ANO3: variants seen among roughly 807,000 people sequenced by gnomAD.
ANO3 encodes anoctamin-3.
In ANO3, 99 loss-of-function variants were observed where a neutral mutation model predicts 144.8. That is an observed-to-expected ratio of 0.68 (90% CI 0.58 to 0.81). ANO3 has a LOEUF of 0.81. Ranked by LOEUF, ANO3 falls within the 30% of genes least tolerant of loss-of-function variation. ANO3 has a pLI of 0.00. For synonymous variants in ANO3, 414 were observed against 392.6 expected (o/e 1.05, Z -0.64); for missense variants, 905 against 1,202.2 (o/e 0.75, Z 3.66).
At chr11:26,191,892 T>C (rs1398420468) in intron 1 of ANO3, among the ~76,000 whole-genome samples, 1 of 152,204 alleles carries the variant, frequency 6.6e-6, no homozygotes, top group African/African-American at 2.4e-5. Flanking sequence ...ATTTCTATTA[T>C]AACTATATAG....
chr11:26,238,908 G>A (rs1450119744), intron 1 of ANO3, among the ~76,000 whole-genome samples: 2 of 151,758 alleles, frequency 1.3e-5, no homozygotes, highest in Non-Finnish European at 2.9e-5. Context: ...TTTGGAAAAT[G>A]TAAATAAAAA....
chr11:26,379,754 C>T (rs1393659861), intron 1 of ANO3, among the ~76,000 whole-genome samples: 1 of 152,076 alleles, frequency 6.6e-6, no homozygotes, highest in Admixed American at 6.6e-5. Flanking sequence ...GATCATGCCA[C>T]TGCACTCCAG....
intron 5 of ANO3, among the ~76,000 whole-genome samples, chr11:26,512,014 T>G (rs1861683336): frequency 6.6e-6 from 1 of 152,186 alleles, no homozygotes; most frequent in Non-Finnish European, 1.5e-5. Flanking sequence ...AGTTATTAAA[T>G]AATTTTAAGC....
intron 14 of ANO3, among the ~76,000 whole-genome samples, chr11:26,576,557 T>C (rs1052600757): frequency 1.3e-5 from 2 of 152,206 alleles, no homozygotes; most frequent in Non-Finnish European, 2.9e-5. Context: ...AACTCTTCTT[T>C]ATTTTTACCT....
rs1858613685 is a variant in ANO3, at chr11:26,443,820, C to T, written c.297C>T (p.Leu99=). 2 of 1,611,644 alleles carry T rather than the reference C, an allele frequency of 1.2e-6. No individual in the cohort carries two copies. The highest frequency in any genetic ancestry group is 1.7e-6 in the Non-Finnish European group (2 of 1,178,788). ...TGCTGAGATGTTCATTTGCTGACCT[C>T]AGCGATTTTTGTTTGGGTAAGTTGA... ...DSVLRCSFAD[L]SDFCLALGKD... is the part of the protein sequence containing the mutation. The change falls in exon 3 of 27, where the codon CTC becomes CTT. Residue 99 remains leucine, a synonymous_variant. Coordinates refer to ENST00000256737, the MANE Select transcript of ANO3 (RefSeq NM_031418.4).
At chr11:26,609,104 A>G (rs888638555) in intron 17 of ANO3, among the ~76,000 whole-genome samples, 1 of 152,110 alleles carries the variant, frequency 6.6e-6, no homozygotes, top group Non-Finnish European at 1.5e-5. Context: ...CATGGGTTGC[A>G]ATAGTTCCGT....
At chr11:26,539,878 G>T (rs1022248336) in intron 10 of ANO3, among the ~76,000 whole-genome samples, 1 of 151,996 alleles carries the variant, frequency 6.6e-6, no homozygotes, top group African/African-American at 2.4e-5. Flanking sequence ...CTGTCATCTA[G>T]GTGAGAAAAC....
intron 14 of ANO3, chr11:26,561,338 T>G (rs960007351): frequency 1.3e-6 from 1 of 740,864 alleles, no homozygotes; most frequent in African/African-American, 1.9e-5. Context: ...TATATTTTTA[T>G]ATGGGCTTTT....
intron 1 of ANO3, among the ~76,000 whole-genome samples, chr11:26,209,129 A>G (rs1027672233): frequency 3.9e-5 from 6 of 152,128 alleles, no homozygotes; most frequent in African/African-American, 1.4e-4. Flanking sequence ...ATTTCTCCTA[A>G]TGCTATCCCT....
At chr11:26,583,755 A>G (rs1400814114) in intron 14 of ANO3, among the ~76,000 whole-genome samples, 1 of 152,198 alleles carries the variant, frequency 6.6e-6, no homozygotes, top group African/African-American at 2.4e-5. Context: ...AAAGCACATT[A>G]TGCTTGAGGA....
chr11:26,345,055 A>C (rs145070782), intron 1 of ANO3, among the ~76,000 whole-genome samples: 1 of 152,302 alleles, frequency 6.6e-6, no homozygotes, highest in African/African-American at 2.4e-5. Flanking sequence ...CATTCTTAAA[A>C]TTTTCCTCAT....
intron 10 of ANO3, among the ~76,000 whole-genome samples, chr11:26,541,229 A>G (rs561512592): frequency 1.3e-5 from 2 of 152,188 alleles, no homozygotes; most frequent in South Asian, 4.2e-4. Context: ...CTCACTCATA[A>G]CTGGGAGTTG....
At chr11:26,622,430 G>GAA (rs72360962) in intron 17 of ANO3, among the ~76,000 whole-genome samples, 34,317 of 132,206 alleles carry the variant, frequency 0.26, 4,829 homozygotes, top group South Asian at 0.41. Context: ...AGCCATCTCT[G>GAA]AAAAAAAAAA....
intron 3 of ANO3, among the ~76,000 whole-genome samples, chr11:26,451,399 G>C (rs539304273): frequency 2.6e-5 from 4 of 152,288 alleles, no homozygotes; most frequent in Admixed American, 6.5e-5. Context: ...GCGCTTTTCC[G>C]ACGGGCTTAA....
intron 1 of ANO3, among the ~76,000 whole-genome samples, chr11:26,345,932 T>C (rs896122693): frequency 2.0e-5 from 3 of 152,188 alleles, no homozygotes; most frequent in African/African-American, 7.2e-5. Context: ...AAGCTGGAAT[T>C]TGAATGAGCA....
intron 1 of ANO3, among the ~76,000 whole-genome samples, chr11:26,230,776 G>A (rs1273797552): frequency 1.8e-5 from 2 of 110,240 alleles, no homozygotes; most frequent in African/African-American, 7.5e-5. Flanking sequence ...CAGCCTGGGT[G>A]ACAGAGCATG....
At position 26,240,067 on chromosome 11, in the gene ANO3, G is replaced by T. The variant is rs570753630; in HGVS notation, c.154+50737G>T. ...AATTCTAACTCAGCCCCACTTATTGGGGCAAATTACTTAACTCCTCCGTGT... is the reference window on the plus strand; with the variant it reads ...AATTCTAACTCAGCCCCACTTATTGTGGCAAATTACTTAACTCCTCCGTGT... On this transcript the variant is annotated intron_variant, in intron 1 of 27. Transcript: ENST00000672621. Among the ~76,000 whole-genome samples the T allele has an allele frequency of 2.0e-5, 3 of 152,078 alleles. No homozygotes were observed. In the South Asian group the frequency reaches 6.2e-4, roughly 32 times the overall value.
Position 26,332,210 on chromosome 11 carries a change from T to C in ANO3, c.-66T>C. The C allele has an allele frequency of 1.9e-6, 3 of 1,613,976 alleles. No homozygotes were observed. The highest frequency in any genetic ancestry group is 1.1e-5 in the South Asian group (1 of 91,062). On this transcript the variant is annotated 5_prime_UTR_variant, in exon 1 of 27. Coordinates refer to ENST00000256737, the MANE Select transcript of ANO3 (RefSeq NM_031418.4). ...TCCGGACCTTGGAGCGTCTAGAGTC[T>C]GGCTACTGTTCCTCCGCCTCCCTCT...
chr11:26,349,333 G>C (rs1262437597), intron 1 of ANO3, among the ~76,000 whole-genome samples: 2 of 152,042 alleles, frequency 1.3e-5, no homozygotes, highest in African/African-American at 4.8e-5. Flanking sequence ...ATTTAAAGTT[G>C]TTCTAATAAT....
Sources: allele counts gnomAD v4.1 joint callset (sites outside exome capture counted in the v4.1 genomes callset), GRCh38; gene constraint gnomAD v4.1.1; transcripts MANE v1.5; gene names NCBI Gene and HGNC (gene_info 2026-07-23, HGNC 2026-07-21).